SUPT3H: variants seen among roughly 807,000 people sequenced by gnomAD.
SUPT3H encodes the protein transcription initiation protein SPT3 homolog.
In SUPT3H, 44 loss-of-function variants were observed where a neutral mutation model predicts 44.3. The observed-to-expected ratio is 0.99, with a 90% CI of 0.78 to 1.28. The LOEUF (loss-of-function observed/expected upper bound fraction) is 1.28. Ranked by LOEUF, SUPT3H falls within the 50% of genes most tolerant of loss-of-function variation. The pLI, the probability that SUPT3H is intolerant of heterozygous loss-of-function variation, is 0.00. For synonymous variants in SUPT3H, 124 were observed against 125.6 expected, an observed-to-expected ratio of 0.99 and a Z score of 0.09; for missense variants, 380 against 387.1, an observed-to-expected ratio of 0.98 and a Z score of 0.15.
intron 2 of SUPT3H, among the ~76,000 whole-genome samples, chr6:45,335,894 C>A (rs1375858825): frequency 2.0e-5 from 3 of 151,246 alleles, no homozygotes. Flanking sequence ...TGCAGAAAAA[C>A]TTGCTACTGC....
intron 6 of SUPT3H, among the ~76,000 whole-genome samples, chr6:44,975,444 G>C (rs1274668254): frequency 6.6e-6 from 1 of 152,174 alleles, no homozygotes; most frequent in African/African-American, 2.4e-5. Context: ...GCTGGATGGA[G>C]TTGGAGATCA....
At chr6:44,849,165 T>C (rs1359385050) in intron 10 of SUPT3H, among the ~76,000 whole-genome samples, 7 of 151,896 alleles carry the variant, frequency 4.6e-5, no homozygotes, top group South Asian at 2.1e-4. Context: ...TTTCTTGCCA[T>C]GTATATGACT....
intron 2 of SUPT3H, among the ~76,000 whole-genome samples, chr6:45,150,720 GTTT>G (rs11319902): frequency 5.0e-5 from 5 of 99,292 alleles, no homozygotes; most frequent in Non-Finnish European, 7.6e-5. Context: ...TTTATTCTGC[GTTT>G]TTTTTTTTTT....
intron 2 of SUPT3H, among the ~76,000 whole-genome samples, chr6:45,150,779 G>A (rs1486648002): frequency 1.5e-5 from 2 of 135,040 alleles, no homozygotes; most frequent in Non-Finnish European, 3.0e-5. Flanking sequence ...CTGGAGTGCA[G>A]TGGCACAATC....
chr6:44,937,493 CA>C (rs752102544), intron 9 of SUPT3H, among the ~76,000 whole-genome samples: 18 of 141,422 alleles, frequency 1.3e-4, no homozygotes, highest in African/African-American at 1.8e-4. Context: ...GACACTGTCT[CA>C]AAAAAAAAAA....
Position 44,998,152 on chromosome 6 carries a change from C to T in SUPT3H, c.504+5501G>A, listed in dbSNP as rs1536905. ...TTTTAAAATTTAATGACAAGTTCTCCTTTTTTTTTCTTTTCTATGCTCTGA... is the reference window on the plus strand; with the variant it reads ...TTTTAAAATTTAATGACAAGTTCTCTTTTTTTTTTCTTTTCTATGCTCTGA... On this transcript the variant is annotated intron_variant, in intron 6 of 10. Coordinates refer to ENST00000371459, the MANE Select transcript of SUPT3H (RefSeq NM_003599.4). Among the ~76,000 whole-genome samples, 405 of 150,792 alleles carry T rather than the reference C, an allele frequency of 2.7e-3. 2 individuals are homozygous for T. Among genetic ancestry groups the T allele is most frequent in the Non-Finnish European group, 4.9e-3 (329 of 67,404 alleles).
intron 6 of SUPT3H, among the ~76,000 whole-genome samples, chr6:45,002,195 T>G (rs1320818566): frequency 1.3e-5 from 2 of 152,072 alleles, no homozygotes; most frequent in Non-Finnish European, 2.9e-5. Context: ...ACTGCATAAG[T>G]ACCCAAGCTT....
intron 9 of SUPT3H, among the ~76,000 whole-genome samples, chr6:44,943,175 T>C (rs1298385284): frequency 6.7e-6 from 1 of 150,042 alleles, no homozygotes; most frequent in Non-Finnish European, 1.5e-5. Context: ...TAATGATAGA[T>C]AAATGGAAAC....
In SUPT3H at chr6:44,821,279, C is replaced by T. The variant is rs189813977; in HGVS notation, c.*52+8485G>A. Among the ~76,000 whole-genome samples, 17 of 152,284 alleles carry T rather than the reference C, an allele frequency of 1.1e-4. No homozygotes were observed. The East Asian group carries it at 1.9e-3, about 17-fold the overall frequency. The stretch of plus-strand genomic sequence containing the variant: ...ATGCACAGCTAACATCCATCTACTT[C>T]GTTGAGACCCATTTAGCTTCCATTG... On this transcript the variant is annotated intron_variant and NMD_transcript_variant, in intron 11 of 11. Coordinates refer to the SUPT3H transcript ENST00000475057.
In SUPT3H at chr6:45,158,298, A is replaced by AATTTTTTT. The variant is rs1554266623; in HGVS notation, c.102-52293_102-52292insAAAAAAAT. Among the ~76,000 whole-genome samples, 4 of 99,688 alleles carry AATTTTTTT rather than the reference A, an allele frequency of 4.0e-5. 1 individual carries two copies. The South Asian group carries it at 1.2e-3, about 30-fold the overall frequency. 65.4% of individuals were successfully genotyped at this position (99,688 alleles called of 152,430 possible). A position where few individuals can be genotyped will look rare whatever the true frequency, so the allele number is the denominator to read the frequency against. On this transcript the variant is annotated intron_variant, in intron 2 of 10. Transcript: ENST00000371459. ...TACATATATATATATATATATATAT[A>AATTTTTTT]TTTTTTTTTTTTTTTTTTTGAGATG...
At chr6:45,260,489 C>T (rs1774184905) in intron 2 of SUPT3H, among the ~76,000 whole-genome samples, 2 of 152,118 alleles carry the variant, frequency 1.3e-5, no homozygotes, top group Admixed American at 6.6e-5. Flanking sequence ...TAACAGCTTT[C>T]TAGCAGCATT....
chr6:44,861,374 G>GTTTTC (rs10642575), intron 10 of SUPT3H, among the ~76,000 whole-genome samples: 140,071 of 150,796 alleles, frequency 0.93, 65,929 homozygotes, highest in East Asian at 1. Context: ...CTCAGCCACA[G>GTTTTC]TTTTCTTTTC....
intron 10 of SUPT3H, among the ~76,000 whole-genome samples, chr6:44,883,018 A>G (rs552088520): frequency 6.6e-6 from 1 of 152,284 alleles, no homozygotes; most frequent in African/African-American, 2.4e-5. Context: ...TCAACACAGT[A>G]TTTGAAGTTC....
chr6:45,082,202 T>G (rs767912398), intron 3 of SUPT3H, among the ~76,000 whole-genome samples: 8 of 152,066 alleles, frequency 5.3e-5, no homozygotes, highest in Non-Finnish European at 7.4e-5. Context: ...ACAGCTGAAC[T>G]CTACCAGACA....
In SUPT3H at chr6:45,190,804, A is replaced by G. The variant is rs186286277; in HGVS notation, c.102-84798T>C. Among the ~76,000 whole-genome samples, 4 of 152,228 alleles carry G rather than the reference A, an allele frequency of 2.6e-5. No individual in the cohort carries two copies. The East Asian group carries it at 7.7e-4, about 29-fold the overall frequency. Reference sequence around the variant, plus strand: ...GAACAGACACCTCACCCAAGAACATACACACATAGCAAATAAGCACAGGAA... The same window carrying G: ...GAACAGACACCTCACCCAAGAACATGCACACATAGCAAATAAGCACAGGAA... On this transcript the variant is annotated intron_variant, in intron 2 of 10. Coordinates refer to ENST00000371459, the MANE Select transcript of SUPT3H (RefSeq NM_003599.4).
intron 2 of SUPT3H, among the ~76,000 whole-genome samples, chr6:45,243,995 A>G (rs1770874639): frequency 6.6e-6 from 1 of 152,086 alleles, no homozygotes; most frequent in Non-Finnish European, 1.5e-5. Context: ...ATCCTCCCAC[A>G]TCTGCCCTCC....
intron 10 of SUPT3H, among the ~76,000 whole-genome samples, chr6:44,857,695 C>T (rs1173284248): frequency 1.3e-5 from 2 of 152,088 alleles, no homozygotes; most frequent in African/African-American, 2.4e-5. Flanking sequence ...CATAAAAATA[C>T]CTTTAGAGAA....
chr6:45,208,725 A>G (rs1004718922), intron 2 of SUPT3H, among the ~76,000 whole-genome samples: 7 of 12,814 alleles, frequency 5.5e-4, no homozygotes, highest in African/African-American at 1.2e-3. Flanking sequence ...CTCTGTCTCA[A>G]AAAAAAAAAA....
intron 2 of SUPT3H, among the ~76,000 whole-genome samples, chr6:45,160,525 AATATTG>A (rs1283688696): frequency 1.3e-5 from 2 of 152,146 alleles, no homozygotes; most frequent in Non-Finnish European, 2.9e-5. Flanking sequence ...TGAAACTAAA[AATATTG>A]TTTTAGCTGG....
Sources: allele counts gnomAD v4.1 joint callset (sites outside exome capture counted in the v4.1 genomes callset), GRCh38; gene constraint gnomAD v4.1.1; transcripts MANE v1.5; gene names NCBI Gene and HGNC (gene_info 2026-07-23, HGNC 2026-07-21).